PTPN6: variants seen among roughly 807,000 people sequenced by gnomAD.
PTPN6 encodes the protein tyrosine-protein phosphatase non-receptor type 6.
A neutral mutation model predicts 81.5 loss-of-function variants in PTPN6; 18 were observed. The ratio of observed to expected loss-of-function variants is 0.22; its 90% CI spans 0.15 to 0.33. The LOEUF is 0.33. Ranked by LOEUF, PTPN6 falls within the 10% of genes least tolerant of loss-of-function variation. The probability of loss-of-function intolerance (pLI) is 1.00; values close to 1 mark genes in which losing one functional copy is unlikely to be tolerated. For synonymous variants in PTPN6, 301 were observed against 310.9 expected, an observed-to-expected ratio of 0.97 and a Z score of 0.33; for missense variants, 500 against 794.2, an observed-to-expected ratio of 0.63 and a Z score of 4.45.
upstream of PTPN6, among the ~76,000 whole-genome samples, chr12:6,948,683 G>A (rs868962528): frequency 2.6e-5 from 4 of 152,052 alleles, no homozygotes; most frequent in African/African-American, 9.7e-5. Context: ...GCTCAAGCCT[G>A]TAATCCCAGC....
rs1334749616 is a variant in PTPN6 at position 6,955,594 on chromosome 12, CA to C, written c.748-65del. ...GCCCACCTCTGCTCCTGACCCACCC[CA>C]CGTGAGCTCCCCCGATGGATGCCCT... On this transcript the variant is annotated intron_variant, in intron 6 of 15. Coordinates refer to ENST00000318974, the MANE Select transcript of PTPN6 (RefSeq NM_002831.6). This position sits in a 1 kb window ranked among gnomAD's most constrained non-coding sequence, Gnocchi z 7.2. 21 of 1,576,154 alleles carry C rather than the reference CA, an allele frequency of 1.3e-5. No individual in the cohort carries two copies. The highest frequency in any genetic ancestry group is 1.8e-5 in the Non-Finnish European group (21 of 1,146,156).
upstream of PTPN6, among the ~76,000 whole-genome samples, chr12:6,950,470 T>C (rs928912155): frequency 1.7e-4 from 4 of 23,302 alleles, no homozygotes; most frequent in Non-Finnish European, 2.8e-4. Context: ...GAGGACCTTG[T>C]CCCCCAGCCC....
At position 6,954,999 on chromosome 12, in the gene PTPN6, G is replaced by C. The variant is rs1555148345; in HGVS notation, c.516+5G>C. The C allele has an allele frequency of 6.2e-7, 1 of 1,613,970 alleles. No individual in the cohort carries two copies. The highest frequency in any genetic ancestry group is 1.3e-5 in the African/African-American group (1 of 74,936). On this transcript the variant is annotated splice_donor_5th_base_variant and intron_variant, in intron 4 of 15. Coordinates refer to ENST00000318974, the MANE Select transcript of PTPN6 (RefSeq NM_002831.6). This position sits in a 1 kb window ranked among gnomAD's most constrained non-coding sequence, Gnocchi z 5.4. ...CACATCAAGGTCATGTGCGAGGTAA[G>C]GCAGCCAGGCGGCGGGGGAGCCTCT...
rs1056932870 is a variant in PTPN6 at position 6,951,387 on chromosome 12, C to T, written c.-126C>T. On this transcript the variant is annotated 5_prime_UTR_variant, in exon 1 of 16. Transcript: ENST00000318974. This position sits in a 1 kb window ranked among gnomAD's most constrained non-coding sequence, Gnocchi z 7.2. ...GTGGCAGCCCCAGAACTGGGACCAC[C>T]GGGGGTGGTGAGGCGGCCCGGCACT... 1.4e-5 allele frequency: 21 copies of T among 1,546,830 alleles called. No homozygotes were observed. Among genetic ancestry groups the T allele is most frequent in the Admixed American group, 2.0e-5 (1 of 50,978 alleles).
At chr12:6,958,179 C>T (rs1479303761) in intron 11 of PTPN6, 106 bp downstream of exon 11, 30 of 1,452,594 alleles carry the variant, frequency 2.1e-5, no homozygotes, top group Admixed American at 3.8e-5. Flanking sequence ...ACATTGAGTG[C>T]CCTCCGCTCA....
rs142648047 is a variant in PTPN6, at chr12:6,951,881, C to T, written c.132-102C>T. The T allele has an allele frequency of 3.2e-6, 5 of 1,543,966 alleles. No homozygotes were observed. Among genetic ancestry groups the T allele is most frequent in the Non-Finnish European group, 4.4e-6 (5 of 1,127,836 alleles). On this transcript the variant is annotated intron_variant, in intron 2 of 15. Transcript: ENST00000318974. This position sits in a 1 kb window ranked among gnomAD's most constrained non-coding sequence, Gnocchi z 7.2. ...CCCACACTCCCCATCCCTGTCTGTG[C>T]CCACCCATGCCCATGTGTGCCCCCA...
chr12:6,948,741 C>A (rs1487036807), upstream of PTPN6, among the ~76,000 whole-genome samples: 2 of 151,884 alleles, frequency 1.3e-5, no homozygotes, highest in Non-Finnish European at 1.5e-5. Flanking sequence ...GAGTTCAAGA[C>A]CAGCCTGGCC....
At position 6,955,099 on chromosome 12, in the gene PTPN6, C is replaced by A; in HGVS notation, c.517-52C>A. On this transcript the variant is annotated intron_variant, in intron 4 of 15. Transcript: ENST00000318974. The surrounding 1 kb of genome is among the most constrained non-coding windows in gnomAD (Gnocchi z 7.2). ...CTGGGCTTGAATTCAAGGCTGGGGA[C>A]CCAGGGAGGGAGACTCAAGTCCTGT... 1 of 1,608,786 alleles carries A rather than the reference C, an allele frequency of 6.2e-7. No individual in the cohort carries two copies. Among genetic ancestry groups the A allele is most frequent in the Non-Finnish European group, 8.5e-7 (1 of 1,175,238 alleles).
rs782702822 is a variant in PTPN6, at chr12:6,951,647, C to A, written c.47C>A (p.Thr16Asn). ...GACCTCAGTGGGCTGGATGCAGAGA[C>A]CCTGCTCAAGGGCCGAGGTGTCCAC... ...HRDLSGLDAETLLKGRGVHGS... is the reference protein window; with the variant it reads ...HRDLSGLDAENLLKGRGVHGS... Residue 16 changes from threonine (T) to asparagine (N), a missense_variant, in exon 2 of 16, where the codon ACC (threonine) becomes AAC (asparagine). This residue lies in a region of PTPN6 where 98 missense variants were observed against 199.2 expected (regional missense o/e 0.49). Coordinates refer to ENST00000318974, the MANE Select transcript of PTPN6 (RefSeq NM_002831.6). The surrounding 1 kb of genome is among the most constrained non-coding windows in gnomAD (Gnocchi z 7.2). 7 of 1,613,744 alleles carry A rather than the reference C, an allele frequency of 4.3e-6. No individual in the cohort carries two copies. Among genetic ancestry groups the A allele is most frequent in the Middle Eastern group, 1.7e-4 (1 of 6,056 alleles).
chr12:6,954,477 G>T lies in PTPN6; in HGVS notation c.327-328G>T, dbSNP rs187905587. On this transcript the variant is annotated intron_variant, in intron 3 of 15. Coordinates refer to ENST00000318974, the MANE Select transcript of PTPN6 (RefSeq NM_002831.6). The surrounding 1 kb of genome is among the most constrained non-coding windows in gnomAD (Gnocchi z 5.4). The stretch of plus-strand genomic sequence containing the variant: ...GGCTAGGATGGCTTGAACCTGGGAG[G>T]TCGAGGCTGCAGAGAGCTGTAACCG... 8.7e-4 allele frequency among the ~76,000 whole-genome samples: 133 copies of T among 152,350 alleles called. No individual in the cohort carries two copies. The highest frequency in any genetic ancestry group is 3.4e-3 in the Middle Eastern group (1 of 294).
At position 6,957,893 on chromosome 12, in the gene PTPN6, G is replaced by T. The variant is rs782564940; in HGVS notation, c.1207-26G>T. 57 of 1,613,876 alleles carry T rather than the reference G, an allele frequency of 3.5e-5. No homozygotes were observed. The South Asian group carries it at 5.7e-4, about 16-fold the overall frequency. On this transcript the variant is annotated intron_variant, in intron 10 of 15. Coordinates refer to ENST00000318974, the MANE Select transcript of PTPN6 (RefSeq NM_002831.6). The surrounding 1 kb of genome is among the most constrained non-coding windows in gnomAD (Gnocchi z 6.5). ...ATGAGGTGTTCCGAGAGAGGAGGGG[G>T]CACTGACCCTATGTCCTCGGCTTAG...
Position 6,955,851 on chromosome 12 carries a change from G to GT in PTPN6, c.844+95_844+96insT. 5 of 1,209,938 alleles carry GT rather than the reference G, an allele frequency of 4.1e-6. No individual in the cohort carries two copies. The highest frequency in any genetic ancestry group is 6.1e-6 in the Non-Finnish European group (5 of 823,492). 75.0% of individuals were successfully genotyped at this position (1,209,938 alleles called of 1,614,324 possible). A position where few individuals can be genotyped will look rare whatever the true frequency, so the allele number is the denominator to read the frequency against. On this transcript the variant is annotated intron_variant, in intron 7 of 15. Coordinates refer to ENST00000318974, the MANE Select transcript of PTPN6 (RefSeq NM_002831.6). This position sits in a 1 kb window ranked among gnomAD's most constrained non-coding sequence, Gnocchi z 7.2. ...GGTCTCCACCCTCCACGCCAGGAGG[G>GT]GCCATCTCCCCACACCCCCCACAGA...
chr12:6,950,312 TTTC>T (rs782812006), upstream of PTPN6, among the ~76,000 whole-genome samples: 32 of 151,910 alleles, frequency 2.1e-4, no homozygotes, highest in Non-Finnish European at 4.1e-4. Flanking sequence ...CCAATATGTG[TTTC>T]TTATGTATCC....
rs782560387 is a variant in PTPN6, at chr12:6,956,601, C to T, written c.1074+33C>T. On this transcript the variant is annotated intron_variant, in intron 9 of 15. Transcript: ENST00000318974. This position sits in a 1 kb window ranked among gnomAD's most constrained non-coding sequence, Gnocchi z 4.1. ...GCCCCCCCTTCCCCGCATCCGCCCC[C>T]GTGCTTGTGGTCATGCCATTAAGTC... is the stretch of plus-strand genomic sequence containing the variant. 56 of 1,612,256 alleles carry T rather than the reference C, an allele frequency of 3.5e-5. No homozygotes were observed. Among genetic ancestry groups the T allele is most frequent in the African/African-American group, 1.6e-4 (12 of 74,876 alleles).
At chr12:6,950,428 G>A (rs1405476752), upstream of PTPN6, among the ~76,000 whole-genome samples, 3 of 152,028 alleles carry the variant, frequency 2.0e-5, no homozygotes, top group Non-Finnish European at 4.4e-5. Context: ...GGGCCTCTAA[G>A]ATCAACCAGC....
In PTPN6 at chr12:6,952,421, C is replaced by T. The variant is rs1945943260; in HGVS notation, c.326+244C>T. On this transcript the variant is annotated intron_variant, in intron 3 of 15. Transcript: ENST00000318974. The surrounding 1 kb of genome is among the most constrained non-coding windows in gnomAD (Gnocchi z 8.1). Reference sequence around the variant, plus strand: ...CCACAGAAAGCTGCCTCGCCCTACTCCGGGAGCCCTGGCCGCTGCAACCCA... The same window carrying T: ...CCACAGAAAGCTGCCTCGCCCTACTTCGGGAGCCCTGGCCGCTGCAACCCA... The T allele has an allele frequency of 1.7e-6, 1 of 579,488 alleles. No individual in the cohort carries two copies. Among genetic ancestry groups the T allele is most frequent in the African/African-American group, 1.9e-5 (1 of 53,558 alleles). 35.9% of individuals were successfully genotyped at this position (579,488 alleles called of 1,614,324 possible). A position where few individuals can be genotyped will look rare whatever the true frequency, so the allele number is the denominator to read the frequency against.
rs1446208971 is a variant in PTPN6, at chr12:6,952,243, G to A, written c.326+66G>A. ...GCCGGCTCCCACCCTGAACAGCCAG[G>A]GAGGCAGGGAGACTGGCAGCCGGCG... is the stretch of plus-strand genomic sequence containing the variant. On this transcript the variant is annotated intron_variant, in intron 3 of 15. Transcript: ENST00000318974. The surrounding 1 kb of genome is among the most constrained non-coding windows in gnomAD (Gnocchi z 8.1). The A allele has an allele frequency of 1.9e-6, 3 of 1,584,828 alleles. No homozygotes were observed. The African/African-American group carries it at 4.0e-5, about 21-fold the overall frequency.
At position 6,952,099 on chromosome 12, in the gene PTPN6, AG is replaced by A; in HGVS notation, c.251del (p.Gly84ValfsTer17). On this transcript the variant is annotated frameshift_variant, in exon 3 of 16. Transcript: ENST00000318974. LOFTEE classifies it high-confidence loss of function. This position sits in a 1 kb window ranked among gnomAD's most constrained non-coding sequence, Gnocchi z 8.1. ...TELVEYYTQQ[Q>X]GVLQDRDGTI... Reference sequence around the variant, plus strand: ...CTGGTGGAGTACTACACTCAGCAGCAGGGTGTCCTGCAGGACCGCGACGGCA... The same window carrying A: ...CTGGTGGAGTACTACACTCAGCAGCAGGTGTCCTGCAGGACCGCGACGGCA... 6.2e-7 allele frequency: 1 copy of A among 1,614,110 alleles called. No homozygotes were observed. The highest frequency in any genetic ancestry group is 8.5e-7 in the Non-Finnish European group (1 of 1,180,008).
In PTPN6 at chr12:6,952,054, A is replaced by G; in HGVS notation, c.203A>G (p.Lys68Arg). 1 of 1,614,118 alleles carries G rather than the reference A, an allele frequency of 6.2e-7. No individual in the cohort carries two copies. Among genetic ancestry groups the G allele is most frequent in the Non-Finnish European group, 8.5e-7 (1 of 1,180,000 alleles). The change falls in exon 3 of 16, where the codon AAG becomes AGG. Residue 68 changes from lysine to arginine, a missense_variant. This residue lies in a region of PTPN6 where 98 missense variants were observed against 199.2 expected (regional missense o/e 0.49). Transcript: ENST00000318974. This position sits in a 1 kb window ranked among gnomAD's most constrained non-coding sequence, Gnocchi z 8.1. The part of the protein sequence containing the change: ...GDFYDLYGGE[K>R]FATLTELVEY... ...TTCTATGACCTGTATGGAGGGGAGA[A>G]GTTTGCGACTCTGACAGAGCTGGTG...
Sources: allele counts gnomAD v4.1 joint callset (sites outside exome capture counted in the v4.1 genomes callset), GRCh38; gene constraint gnomAD v4.1.1; regional missense constraint gnomAD v4.1.1; non-coding constraint Gnocchi (gnomAD v3.1); transcripts MANE v1.5; gene names NCBI Gene and HGNC (gene_info 2026-07-23, HGNC 2026-07-21).